The following PEBP4 variants were observed in gnomAD, a reference collection of about 807,000 sequenced individuals.
PEBP4 encodes phosphatidylethanolamine binding protein 4, also known as phosphatidylethanolamine-binding protein 4.
In PEBP4, 22 loss-of-function variants were observed where a neutral mutation model predicts 23.9. That is an observed-to-expected ratio of 0.92 (90% CI 0.66 to 1.31). PEBP4 has a LOEUF of 1.31. PEBP4 is among the 40% of genes most tolerant of loss of function. The pLI is 0.00. For synonymous variants in PEBP4, 112 were observed against 99.3 expected (o/e 1.13, Z -0.76); for missense variants, 324 against 281.7 (o/e 1.15, Z -1.07).
chr8:22,833,314 C>T (rs1194481204), intron 3 of PEBP4, among the ~76,000 whole-genome samples: 1 of 152,170 alleles, frequency 6.6e-6, no homozygotes, highest in Admixed American at 6.5e-5. Context: ...AACTGAGGAC[C>T]ATCAAGCATG....
intron 3 of PEBP4, among the ~76,000 whole-genome samples, chr8:22,838,407 C>T (rs1024900626): frequency 9.9e-5 from 15 of 152,066 alleles, no homozygotes; most frequent in Non-Finnish European, 1.5e-4. Flanking sequence ...TGGATGAGCC[C>T]GTTGGACTGC....
intron 3 of PEBP4, among the ~76,000 whole-genome samples, chr8:22,830,146 T>TGTGTGTGTGTGTGTGTG (rs56204367): frequency 6.6e-6 from 1 of 150,734 alleles, no homozygotes; most frequent in African/African-American, 2.5e-5. Flanking sequence ...TGTGTGTGTG[T>TGTGTGTGTGTGTGTGTG]TTTTACGGAG....
At chr8:22,734,070 C>T (rs1420099682) in intron 4 of PEBP4, among the ~76,000 whole-genome samples, 1 of 152,252 alleles carries the variant, frequency 6.6e-6, no homozygotes, top group East Asian at 1.9e-4. Context: ...GCACAGCTGC[C>T]TGCAGGCTGC....
intron 4 of PEBP4, among the ~76,000 whole-genome samples, chr8:22,793,385 G>A (rs1806179532): frequency 6.6e-6 from 1 of 151,240 alleles, no homozygotes; most frequent in Non-Finnish European, 1.5e-5. Flanking sequence ...TCCTGCCTCA[G>A]CCTCCCATGT....
At chr8:22,898,450 T>C (rs796848589) in intron 3 of PEBP4, among the ~76,000 whole-genome samples, 3 of 145,386 alleles carry the variant, frequency 2.1e-5, no homozygotes, top group African/African-American at 7.6e-5. Context: ...GTCTATGGTA[T>C]TTTGTTATGG....
At chr8:22,904,959 ATG>A (rs1212445219) in intron 3 of PEBP4, among the ~76,000 whole-genome samples, 2 of 152,128 alleles carry the variant, frequency 1.3e-5, no homozygotes, top group East Asian at 3.8e-4. Flanking sequence ...ATAAATTTTT[ATG>A]TGTTTCTCTG....
intron 3 of PEBP4, among the ~76,000 whole-genome samples, chr8:22,854,956 G>GCA (rs1807610183): frequency 7.4e-6 from 1 of 135,806 alleles, no homozygotes; most frequent in Admixed American, 7.6e-5. Flanking sequence ...GTGTGTGTGT[G>GCA]CGTGCAAGCT....
intron 4 of PEBP4, among the ~76,000 whole-genome samples, chr8:22,763,915 G>T (rs1805559682): frequency 6.6e-6 from 1 of 152,176 alleles, no homozygotes; most frequent in Non-Finnish European, 1.5e-5. Flanking sequence ...TGCCAGGTGT[G>T]GAGAGAGCCA....
At chr8:22,769,275 G>A (rs373188397) in intron 4 of PEBP4, among the ~76,000 whole-genome samples, 1 of 152,200 alleles carries the variant, frequency 6.6e-6, no homozygotes, top group Non-Finnish European at 1.5e-5. Context: ...CGCCAACCAT[G>A]CAGCCCAAGT....
At chr8:22,840,814 G>A (rs1283298845) in intron 3 of PEBP4, among the ~76,000 whole-genome samples, 2 of 152,152 alleles carry the variant, frequency 1.3e-5, no homozygotes, top group Admixed American at 6.5e-5. Flanking sequence ...CCTCTGCTGA[G>A]TACTGTGGCC....
intron 3 of PEBP4, among the ~76,000 whole-genome samples, chr8:22,913,151 G>A (rs1249031038): frequency 6.6e-6 from 1 of 152,184 alleles, no homozygotes; most frequent in Non-Finnish European, 1.5e-5. Flanking sequence ...AAATACAGTG[G>A]CATCTCATGA....
At chr8:22,749,030 T>C (rs1805189692) in intron 4 of PEBP4, among the ~76,000 whole-genome samples, 1 of 151,886 alleles carries the variant, frequency 6.6e-6, no homozygotes, top group African/African-American at 2.4e-5. Flanking sequence ...GAGATGACAA[T>C]CTGGGGTCAG....
intron 3 of PEBP4, among the ~76,000 whole-genome samples, chr8:22,912,154 G>C (rs927299551): frequency 6.6e-6 from 1 of 152,204 alleles, no homozygotes; most frequent in African/African-American, 2.4e-5. Flanking sequence ...TTAAGACTGG[G>C]AATCCTCCTA....
In PEBP4 at chr8:22,863,642, C is replaced by T. The variant is rs566162928; in HGVS notation, c.259-45907G>A. ...CTTCTCACTGCTCTGATCTGTTCAA[C>T]GCACATTCATTCATAAGCTCAGACA... On this transcript the variant is annotated intron_variant, in intron 3 of 6. Coordinates refer to ENST00000256404, the MANE Select transcript of PEBP4 (RefSeq NM_144962.3). 3.3e-5 allele frequency among the ~76,000 whole-genome samples: 5 copies of T among 152,156 alleles called. No individual in the cohort carries two copies. In the South Asian group the frequency reaches 1.0e-3, roughly 32 times the overall value.
At chr8:22,748,582 T>C (rs1805179372) in intron 4 of PEBP4, among the ~76,000 whole-genome samples, 1 of 151,706 alleles carries the variant, frequency 6.6e-6, no homozygotes, top group Non-Finnish European at 1.5e-5. Context: ...CTGTACTAGG[T>C]TGCACATGAT....
At chr8:22,783,512 G>A (rs1215851921) in intron 4 of PEBP4, among the ~76,000 whole-genome samples, 1 of 152,216 alleles carries the variant, frequency 6.6e-6, no homozygotes, top group Non-Finnish European at 1.5e-5. Flanking sequence ...GCGGTGGCCA[G>A]GTGCTCAGTG....
chr8:22,716,879 G>C (rs1259809538), intron 6 of PEBP4, among the ~76,000 whole-genome samples: 1 of 152,212 alleles, frequency 6.6e-6, no homozygotes, highest in Non-Finnish European at 1.5e-5. Flanking sequence ...GCCAGGCATG[G>C]GGTCAGCGGA....
intron 3 of PEBP4, among the ~76,000 whole-genome samples, chr8:22,898,233 A>G (rs1585331307): frequency 6.6e-6 from 1 of 151,862 alleles, no homozygotes; most frequent in South Asian, 2.1e-4. Context: ...CTCAACCAAA[A>G]ATACAAAAAT....
intron 3 of PEBP4, among the ~76,000 whole-genome samples, chr8:22,849,524 T>A (rs1213458714): frequency 6.6e-6 from 1 of 151,370 alleles, no homozygotes; most frequent in African/African-American, 2.5e-5. Flanking sequence ...TTGCTAATGA[T>A]AACACACCAG....
Sources: gnomAD v4.1 joint callset for allele counts (sites outside exome capture counted in the v4.1 genomes callset) on GRCh38, gnomAD v4.1.1 for gene constraint, MANE v1.5 for transcripts, NCBI Gene and HGNC (gene_info 2026-07-23, HGNC 2026-07-21) for gene names.